Variants in KCNS2 observed in about 807,000 individuals in gnomAD.
KCNS2 encodes delayed-rectifier potassium channel regulatory subunit KCNS2.
Under a neutral mutation model 28.3 loss-of-function variants are expected in KCNS2, and 15 were observed. The observed-to-expected ratio is 0.53, with a 90% CI of 0.35 to 0.82. KCNS2 has a LOEUF of 0.82. KCNS2 is among the 40% of genes least tolerant of loss of function. The pLI, the probability that KCNS2 is intolerant of heterozygous loss-of-function variation, is 0.01. For synonymous variants in KCNS2, 254 were observed against 256.7 expected, an observed-to-expected ratio of 0.99 and a Z score of 0.10; for missense variants, 501 against 617.1, an observed-to-expected ratio of 0.81 and a Z score of 1.99.
Position 98,430,807 on chromosome 8 carries a change from A to G in KCNS2, c.*1394A>G, listed in dbSNP as rs962286261. The G allele has an allele frequency of 2.4e-5, 4 of 167,098 alleles. No individual in the cohort carries two copies. The highest frequency in any genetic ancestry group is 4.4e-5 in the Non-Finnish European group (3 of 68,130). 10.4% of individuals were successfully genotyped at this position (167,098 alleles called of 1,614,324 possible). ...CTGCTAGTTCATAAAATGTCATAAA[A>G]AATTGTAAACTTGAAAAGCTTAATG... is the stretch of plus-strand genomic sequence containing the variant. On this transcript the variant is annotated 3_prime_UTR_variant, in exon 2 of 2. Transcript: ENST00000287042.
chr8:98,432,193 T>TA lies in KCNS2; in HGVS notation c.*2785dup, dbSNP rs1207744358. The TA allele has an allele frequency of 6.0e-6, 1 of 166,970 alleles. No homozygotes were observed. The highest frequency in any genetic ancestry group is 2.4e-5 in the African/African-American group (1 of 41,450). The allele number at this position is 166,970 out of a possible 1,614,324, so 10.3% of individuals were successfully genotyped here. A position where few individuals can be genotyped will look rare whatever the true frequency, so the allele number is the denominator to read the frequency against. ...CAGGGAGAGTCAGGTTAATTTTCTG[T>TA]AAAAATATGAGGTGACATCTTTGGC... On this transcript the variant is annotated 3_prime_UTR_variant, in exon 2 of 2. Coordinates refer to ENST00000287042, the MANE Select transcript of KCNS2 (RefSeq NM_020697.4).
Position 98,428,770 on chromosome 8 carries a change from A to G in KCNS2, c.791A>G (p.Asp264Gly). The G allele has an allele frequency of 6.2e-7, 1 of 1,614,036 alleles. No individual in the cohort carries two copies. The highest frequency in any genetic ancestry group is 8.5e-7 in the Non-Finnish European group (1 of 1,180,026). Residue 264 changes from aspartate (D) to glycine (G), a missense_variant, in exon 2 of 2, where the codon GAC becomes GGC. Coordinates refer to ENST00000287042, the MANE Select transcript of KCNS2 (RefSeq NM_020697.4). The surrounding 1 kb of genome is among the most constrained non-coding windows in gnomAD (Gnocchi z 6.7). ...KFFKNALNLI[D>G]LMSIVPFYIT... ...TTCAAGAATGCCCTAAACCTTATTG[A>G]CCTCATGTCCATCGTCCCCTTTTAC... is the stretch of plus-strand genomic sequence containing the variant.
chr8:98,430,272 G>GT lies in KCNS2; in HGVS notation c.*860dup, dbSNP rs1423680767. On this transcript the variant is annotated 3_prime_UTR_variant, in exon 2 of 2. Transcript: ENST00000287042. The stretch of plus-strand genomic sequence containing the variant: ...TTTCCTAGGGTGACTGTAGAGAAAT[G>GT]TATTTCCGGATGAGGTTTCTGATCT... 1 of 167,048 alleles carries GT rather than the reference G, an allele frequency of 6.0e-6. No individual in the cohort carries two copies. Among genetic ancestry groups the GT allele is most frequent in the Non-Finnish European group, 1.5e-5 (1 of 68,122 alleles). The allele number at this position is 167,048 out of a possible 1,614,324, so 10.3% of individuals were successfully genotyped here.
Position 98,431,432 on chromosome 8 carries a change from T to C in KCNS2, c.*2019T>C, listed in dbSNP as rs932776248. The C allele has an allele frequency of 6.0e-6, 1 of 167,066 alleles. No homozygotes were observed. The highest frequency in any genetic ancestry group is 2.4e-5 in the African/African-American group (1 of 41,426). The allele number at this position is 167,066 out of a possible 1,614,324, so 10.3% of individuals were successfully genotyped here. On this transcript the variant is annotated 3_prime_UTR_variant, in exon 2 of 2. Coordinates refer to ENST00000287042, the MANE Select transcript of KCNS2 (RefSeq NM_020697.4). ...AGAGGAGCAGAGTTATTTTTCAGAATTTGCACATGGAACACTTAGATTTGG... is the reference window on the plus strand; with the variant it reads ...AGAGGAGCAGAGTTATTTTTCAGAACTTGCACATGGAACACTTAGATTTGG...
In KCNS2 at chr8:98,431,653, C is replaced by G. The variant is rs1363519350; in HGVS notation, c.*2240C>G. On this transcript the variant is annotated 3_prime_UTR_variant, in exon 2 of 2. Transcript: ENST00000287042. The stretch of plus-strand genomic sequence containing the variant: ...AAGCAAGGAACAAGGCAGAATAACT[C>G]AGTCACTTTCATGAAGATTTTTCTA... 1 of 167,076 alleles carries G rather than the reference C, an allele frequency of 6.0e-6. No individual in the cohort carries two copies. Among genetic ancestry groups the G allele is most frequent in the African/African-American group, 2.4e-5 (1 of 41,432 alleles). 10.3% of individuals were successfully genotyped at this position (167,076 alleles called of 1,614,324 possible).
At position 98,428,890 on chromosome 8, in the gene KCNS2, G is replaced by T; in HGVS notation, c.911G>T (p.Arg304Leu). 1 of 1,614,124 alleles carries T rather than the reference G, an allele frequency of 6.2e-7. No homozygotes were observed. Among genetic ancestry groups the T allele is most frequent in the South Asian group, 1.1e-5 (1 of 91,084 alleles). The change falls in exon 2 of 2, where the codon CGC (arginine) becomes CTC (leucine). Residue 304 changes from arginine (R) to leucine (L), a missense_variant. Arg to Leu is a moderately radical substitution (Grantham distance 102). Coordinates refer to ENST00000287042, the MANE Select transcript of KCNS2 (RefSeq NM_020697.4). The surrounding 1 kb of genome is among the most constrained non-coding windows in gnomAD (Gnocchi z 6.7). ...AQVLRLMRIFRILKLARHSTG... is the reference protein window; with the variant it reads ...AQVLRLMRIFLILKLARHSTG... ...GTCCTGAGGCTGATGCGGATCTTCC[G>T]CATCTTAAAGCTGGCCAGGCACTCC...
At position 98,428,781 on chromosome 8, in the gene KCNS2, A is replaced by T. The variant is rs756060141; in HGVS notation, c.802A>T (p.Ile268Phe). The T allele has an allele frequency of 6.8e-6, 11 of 1,614,082 alleles. No homozygotes were observed. Among genetic ancestry groups the T allele is most frequent in the Non-Finnish European group, 9.3e-6 (11 of 1,180,046 alleles). The change falls in exon 2 of 2, where the codon ATC (isoleucine) becomes TTC (phenylalanine). Residue 268 changes from isoleucine (I) to phenylalanine (F), a missense_variant. Coordinates refer to ENST00000287042, the MANE Select transcript of KCNS2 (RefSeq NM_020697.4). The surrounding 1 kb of genome is among the most constrained non-coding windows in gnomAD (Gnocchi z 6.7). ...CCTAAACCTTATTGACCTCATGTCC[A>T]TCGTCCCCTTTTACATCACTCTGGT... is the stretch of plus-strand genomic sequence containing the variant. The part of the protein sequence containing the change: ...NALNLIDLMS[I>F]VPFYITLVVN...
chr8:98,429,546 A>G lies in KCNS2; in HGVS notation c.*133A>G. The G allele has an allele frequency of 1.5e-6, 1 of 645,388 alleles. No individual in the cohort carries two copies. 40.0% of individuals were successfully genotyped at this position (645,388 alleles called of 1,614,324 possible). ...GAGGGGAGAGATGCATGGGATATGC[A>G]CCCAGGTTTCTTTTACAGTTTTTAG... On this transcript the variant is annotated 3_prime_UTR_variant, in exon 2 of 2. Transcript: ENST00000287042.
In KCNS2 at chr8:98,428,990, C is replaced by T. The variant is rs758085683; in HGVS notation, c.1011C>T (p.Ser337=). Residue 337 remains serine, a synonymous_variant, in exon 2 of 2, where the codon TCC becomes TCT. Transcript: ENST00000287042. The surrounding 1 kb of genome is among the most constrained non-coding windows in gnomAD (Gnocchi z 6.7). ...KEVGLLLLYL[S]VGISIFSVVA... is the part of the protein sequence containing the mutation. Reference sequence around the variant, plus strand: ...TAGGGCTGCTCTTGCTCTACCTCTCCGTGGGGATTTCCATCTTCTCCGTGG... The same window carrying T: ...TAGGGCTGCTCTTGCTCTACCTCTCTGTGGGGATTTCCATCTTCTCCGTGG... 3.3e-5 allele frequency: 53 copies of T among 1,614,008 alleles called. No homozygotes were observed. Among genetic ancestry groups the T allele is most frequent in the South Asian group, 1.3e-4 (12 of 91,082 alleles).
rs756661331 is a variant in KCNS2 at position 98,428,362 on chromosome 8, T to C, written c.383T>C (p.Val128Ala). The C allele has an allele frequency of 1.2e-4, 195 of 1,613,924 alleles. No homozygotes were observed. Among genetic ancestry groups the C allele is most frequent in the Non-Finnish European group, 1.2e-4 (143 of 1,179,996 alleles). Reference protein sequence around the residue: ...CCSYSYHGRKVEPEQEKWDEQ... With the variant: ...CCSYSYHGRKAEPEQEKWDEQ... ...AGCTACAGCTACCATGGCCGCAAAG[T>C]AGAGCCCGAGCAGGAGAAGTGGGAC... The change falls in exon 2 of 2, where the codon GTA becomes GCA. Residue 128 changes from valine to alanine, a missense_variant. Val to Ala is a moderately conservative substitution (Grantham distance 64, BLOSUM62 0). Transcript: ENST00000287042. The surrounding 1 kb of genome is among the most constrained non-coding windows in gnomAD (Gnocchi z 6.7).
In KCNS2 at chr8:98,427,141, C is replaced by G. The variant is rs1015496261; in HGVS notation, c.-231C>G. ...GCCACCTGTGAGCCTTCGGCAGCTG[C>G]GGGCGGCGGCGGCGTACCCGGCCCG... On this transcript the variant is annotated 5_prime_UTR_variant, in exon 1 of 2. Coordinates refer to ENST00000287042, the MANE Select transcript of KCNS2 (RefSeq NM_020697.4). 6.7e-6 allele frequency: 1 copy of G among 149,916 alleles called. No homozygotes were observed. The highest frequency in any genetic ancestry group is 2.4e-5 in the African/African-American group (1 of 41,080). 9.3% of individuals were successfully genotyped at this position (149,916 alleles called of 1,614,324 possible).
At position 98,432,043 on chromosome 8, in the gene KCNS2, A is replaced by G. The variant is rs1818341972; in HGVS notation, c.*2630A>G. 6.0e-6 allele frequency: 1 copy of G among 167,062 alleles called. No homozygotes were observed. The highest frequency in any genetic ancestry group is 6.5e-5 in the Admixed American group (1 of 15,286). 10.3% of individuals were successfully genotyped at this position (167,062 alleles called of 1,614,324 possible). A position where few individuals can be genotyped will look rare whatever the true frequency, so the allele number is the denominator to read the frequency against. The stretch of plus-strand genomic sequence containing the variant: ...TAGACTGAATGGTGACCCAGGGAGA[A>G]ATAATCTTCCTCTCCCCTAAAGTCT... On this transcript the variant is annotated 3_prime_UTR_variant, in exon 2 of 2. Coordinates refer to ENST00000287042, the MANE Select transcript of KCNS2 (RefSeq NM_020697.4).
Position 98,429,473 on chromosome 8 carries a change from C to CAAG in KCNS2, c.*61_*62insAGA. On this transcript the variant is annotated 3_prime_UTR_variant, in exon 2 of 2. Coordinates refer to ENST00000287042, the MANE Select transcript of KCNS2 (RefSeq NM_020697.4). The stretch of plus-strand genomic sequence containing the variant: ...TGAGCTGCCTCTTGTGCCTCTGGCA[C>CAAG]AGCCCAGGCACCTTATGGTTATGGT... The CAAG allele has an allele frequency of 1.7e-5, 21 of 1,230,644 alleles. No homozygotes were observed. Among genetic ancestry groups the CAAG allele is most frequent in the Non-Finnish European group, 2.2e-5 (19 of 852,436 alleles). 76.2% of individuals were successfully genotyped at this position (1,230,644 alleles called of 1,614,324 possible).
Position 98,431,813 on chromosome 8 carries a change from G to A in KCNS2, c.*2400G>A, listed in dbSNP as rs914231402. ...TGCCTTTCGTTGGAGGAATCCCAACGTGCTTTAGAGACTATCTTTTTAACA... is the reference window on the plus strand; with the variant it reads ...TGCCTTTCGTTGGAGGAATCCCAACATGCTTTAGAGACTATCTTTTTAACA... On this transcript the variant is annotated 3_prime_UTR_variant, in exon 2 of 2. Coordinates refer to ENST00000287042, the MANE Select transcript of KCNS2 (RefSeq NM_020697.4). 1.8e-5 allele frequency: 3 copies of A among 167,062 alleles called. No individual in the cohort carries two copies. The highest frequency in any genetic ancestry group is 7.2e-5 in the African/African-American group (3 of 41,436). The allele number at this position is 167,062 out of a possible 1,614,324, so 10.3% of individuals were successfully genotyped here.
At position 98,429,679 on chromosome 8, in the gene KCNS2, A is replaced by C; in HGVS notation, c.*266A>C. 1 of 441,660 alleles carries C rather than the reference A, an allele frequency of 2.3e-6. No homozygotes were observed. The allele number at this position is 441,660 out of a possible 1,614,324, so 27.4% of individuals were successfully genotyped here. On this transcript the variant is annotated 3_prime_UTR_variant, in exon 2 of 2. Coordinates refer to ENST00000287042, the MANE Select transcript of KCNS2 (RefSeq NM_020697.4). ...GGCATAAAATGTTCACCTTTTTGCC[A>C]GATGAGTACACCCAGAATGCTAATT... is the stretch of plus-strand genomic sequence containing the variant.
Position 98,431,501 on chromosome 8 carries a change from C to G in KCNS2, c.*2088C>G. On this transcript the variant is annotated 3_prime_UTR_variant, in exon 2 of 2. Transcript: ENST00000287042. ...GAAGGCATAACATTTACGGACTCAT[C>G]CCCAGCTGCACTGAAGGCAGGTGGT... The G allele has an allele frequency of 6.0e-6, 1 of 167,228 alleles. No homozygotes were observed. The allele number at this position is 167,228 out of a possible 1,614,324, so 10.4% of individuals were successfully genotyped here.
chr8:98,428,618 A>G lies in KCNS2; in HGVS notation c.639A>G (p.Gln213=). The part of the protein sequence containing the change: ...TMCLNSLPDF[Q]IPDSQGNPGE... ...GCCTCAATAGCCTGCCCGATTTCCA[A>G]ATCCCTGACAGCCAGGGCAACCCTG... The change falls in exon 2 of 2, where the codon CAA becomes CAG. Residue 213 remains glutamine, a synonymous_variant. Coordinates refer to ENST00000287042, the MANE Select transcript of KCNS2 (RefSeq NM_020697.4). This position sits in a 1 kb window ranked among gnomAD's most constrained non-coding sequence, Gnocchi z 6.7. The G allele has an allele frequency of 6.2e-7, 1 of 1,614,050 alleles. No homozygotes were observed. The highest frequency in any genetic ancestry group is 1.7e-5 in the Admixed American group (1 of 60,010).
Position 98,432,529 on chromosome 8 carries a change from A to G in KCNS2, c.*3116A>G, listed in dbSNP as rs1227236032. 6.0e-6 allele frequency: 1 copy of G among 167,094 alleles called. No individual in the cohort carries two copies. Among genetic ancestry groups the G allele is most frequent in the Non-Finnish European group, 1.5e-5 (1 of 68,126 alleles). 10.4% of individuals were successfully genotyped at this position (167,094 alleles called of 1,614,324 possible). A position where few individuals can be genotyped will look rare whatever the true frequency, so the allele number is the denominator to read the frequency against. On this transcript the variant is annotated 3_prime_UTR_variant, in exon 2 of 2. Transcript: ENST00000287042. ...AAGGGCATGTTGTAATGCCAAGCTG[A>G]TTTGTAGCTCGTAAGGTAGTAATTG...
rs1484948406 is a variant in KCNS2 at position 98,427,100 on chromosome 8, G to C, written c.-272G>C. On this transcript the variant is annotated 5_prime_UTR_variant, in exon 1 of 2. Transcript: ENST00000287042. ...CGGATCCGGAGAGGGGGCTCCGGGA[G>C]CGGCGGGACCACGCAGCCACCTGTG... The C allele has an allele frequency of 1.3e-5, 2 of 150,468 alleles. No individual in the cohort carries two copies. The highest frequency in any genetic ancestry group is 3.0e-5 in the Non-Finnish European group (2 of 67,312). 9.3% of individuals were successfully genotyped at this position (150,468 alleles called of 1,614,324 possible). A position where few individuals can be genotyped will look rare whatever the true frequency, so the allele number is the denominator to read the frequency against.
Sources: allele counts gnomAD v4.1 joint callset, GRCh38; gene constraint gnomAD v4.1.1; non-coding constraint Gnocchi (gnomAD v3.1); transcripts MANE v1.5; gene names NCBI Gene and HGNC (gene_info 2026-07-23, HGNC 2026-07-21).